Variants in DMXL2 observed in about 807,000 individuals in gnomAD.
DMXL2 encodes the protein dmX-like protein 2.
DMXL2 carries 103 observed loss-of-function variants against 331.1 expected under a neutral mutation model. The ratio of observed to expected loss-of-function variants is 0.31; its 90% CI spans 0.27 to 0.37. The LOEUF (loss-of-function observed/expected upper bound fraction) is 0.37. DMXL2 is among the 10% of genes least tolerant of loss of function. The pLI is 1.00. For synonymous variants in DMXL2, 1,281 were observed against 1,252.1 expected (o/e 1.02, Z -0.49); for missense variants, 3,171 against 3,642.9 (o/e 0.87, Z 3.33).
chr15:51,554,685 G>C (rs184753987), intron 6 of DMXL2, among the ~76,000 whole-genome samples: 120 of 152,304 alleles, frequency 7.9e-4, no homozygotes, highest in Middle Eastern at 3.4e-3. Context: ...AAATTAGATG[G>C]AGTGGAGTGT....
chr15:51,579,351 A>T (rs905353015), intron 1 of DMXL2, among the ~76,000 whole-genome samples: 6 of 152,284 alleles, frequency 3.9e-5, no homozygotes, highest in African/African-American at 1.4e-4. Flanking sequence ...AAAGAGTCTA[A>T]TGCATAAATA....
chr15:51,621,397 T>C (rs2054615508), intron 1 of DMXL2, among the ~76,000 whole-genome samples: 1 of 152,230 alleles, frequency 6.6e-6, no homozygotes, highest in African/African-American at 2.4e-5. Context: ...TCAAAGGGTT[T>C]TCCTTGTCTA....
At chr15:51,502,219 T>G (rs2043684382) in intron 17 of DMXL2, among the ~76,000 whole-genome samples, 2 of 132,826 alleles carry the variant, frequency 1.5e-5, no homozygotes, top group Non-Finnish European at 3.1e-5. Context: ...GGCGACAGAG[T>G]GAGACTCCGT....
At chr15:51,566,233 GTGTGTGTGT>G (rs1419708871) in intron 3 of DMXL2, among the ~76,000 whole-genome samples, 17 of 14,594 alleles carry the variant, frequency 1.2e-3, no homozygotes, top group South Asian at 7.0e-3. Flanking sequence ...TGTGTGTGGG[GTGTGTGTGT>G]GTGTGTGTGT....
At position 51,474,482 on chromosome 15, in the gene DMXL2, G is replaced by A. The variant is rs2041398915; in HGVS notation, c.7075C>T (p.His2359Tyr). The change falls in exon 28 of 44, where the codon CAT becomes TAT. Residue 2359 changes from histidine to tyrosine, a missense_variant. This residue lies in a region of DMXL2 where 766 missense variants were observed against 940.5 expected (regional missense o/e 0.81). Coordinates refer to ENST00000560891, the MANE Select transcript of DMXL2 (RefSeq NM_001378457.1). ...VVAVYLSLLI[H>Y]ALATNSSSEL... ...CTGGAGGAATTTGTGGCAAGAGCAT[G>A]TATCAATAAACTTAAGTAAACAGCA... 6.2e-7 allele frequency: 1 copy of A among 1,614,160 alleles called. No individual in the cohort carries two copies. Among genetic ancestry groups the A allele is most frequent in the Non-Finnish European group, 8.5e-7 (1 of 1,179,998 alleles).
intron 2 of DMXL2, among the ~76,000 whole-genome samples, chr15:51,570,003 G>A (rs954085780): frequency 6.6e-6 from 1 of 152,044 alleles, no homozygotes; most frequent in Non-Finnish European, 1.5e-5. Flanking sequence ...CCAAGCTAAA[G>A]AAGCATGTTC....
chr15:51,564,130 C>T lies in DMXL2; in HGVS notation c.495G>A (p.Gln165=), dbSNP rs2050131526. 1 of 1,593,408 alleles carries T rather than the reference C, an allele frequency of 6.3e-7. No individual in the cohort carries two copies. Among genetic ancestry groups the T allele is most frequent in the African/African-American group, 1.4e-5 (1 of 73,612 alleles). The part of the protein sequence containing the change: ...PVLNDWKCVW[Q]CKTSVSVHLM... ...CAATAGAAATAGACACTAACTTGCA[C>T]TGCCAGACACACTTCCAATCATTTA... The change falls in exon 5 of 44, where the codon CAG becomes CAA. Residue 165 remains glutamine (Q), a synonymous_variant. Transcript: ENST00000560891.
chr15:51,485,620 T>C (rs1225740424), intron 23 of DMXL2, among the ~76,000 whole-genome samples: 1 of 152,230 alleles, frequency 6.6e-6, no homozygotes, highest in Non-Finnish European at 1.5e-5. Context: ...CGTATTTAAC[T>C]ATTCTATTGA....
chr15:51,527,315 A>T (rs2047731125), intron 13 of DMXL2, among the ~76,000 whole-genome samples: 1 of 152,180 alleles, frequency 6.6e-6, no homozygotes, highest in South Asian at 2.1e-4. Context: ...AACATGAAGG[A>T]TAACTAAAAA....
intron 28 of DMXL2, among the ~76,000 whole-genome samples, chr15:51,473,457 CA>C (rs369137951): frequency 1.6e-4 from 24 of 152,206 alleles, no homozygotes; most frequent in African/African-American, 5.8e-4. Context: ...TATAACCAAG[CA>C]GCAAGAAAGA....
rs1179187516 is a variant in DMXL2, at chr15:51,578,332, C to T, written c.88-2151G>A. Reference sequence around the variant, plus strand: ...AGATAAATATTAGTACACTTTGTTTCTCTAAAGATGTGCCATCCCTAGCAA... The same window carrying T: ...AGATAAATATTAGTACACTTTGTTTTTCTAAAGATGTGCCATCCCTAGCAA... On this transcript the variant is annotated intron_variant, in intron 1 of 43. Transcript: ENST00000560891. Among the ~76,000 whole-genome samples, 3 of 152,160 alleles carry T rather than the reference C, an allele frequency of 2.0e-5. No homozygotes were observed. The South Asian group carries it at 6.2e-4, about 31-fold the overall frequency.
intron 37 of DMXL2, among the ~76,000 whole-genome samples, 167 bp from the exon 38 acceptor site, chr15:51,456,536 G>A (rs555739513): frequency 6.6e-6 from 1 of 152,270 alleles, no homozygotes; most frequent in African/African-American, 2.4e-5. Flanking sequence ...GTCTGAAGAG[G>A]GTGAGGAAGC....
chr15:51,600,539 C>T (rs1421771165), intron 1 of DMXL2, among the ~76,000 whole-genome samples: 1 of 152,174 alleles, frequency 6.6e-6, no homozygotes, highest in Admixed American at 6.5e-5. Context: ...CACCCCTCTT[C>T]CTGTTGACCT....
intron 5 of DMXL2, among the ~76,000 whole-genome samples, chr15:51,563,722 G>T (rs1460694264): frequency 1.3e-5 from 2 of 152,054 alleles, no homozygotes; most frequent in Non-Finnish European, 2.9e-5. Context: ...AATATAACAT[G>T]TTAAAAGCTG....
intron 7 of DMXL2, 70 bp downstream of exon 7, chr15:51,547,160 G>T: frequency 7.5e-7 from 1 of 1,337,812 alleles, no homozygotes; most frequent in Non-Finnish European, 1.0e-6. Context: ...TAAATAAAAG[G>T]ACTTTATTTT....
At chr15:51,508,214 A>ACAT (rs2046530420) in intron 15 of DMXL2, among the ~76,000 whole-genome samples, 1 of 152,170 alleles carries the variant, frequency 6.6e-6, no homozygotes, top group Admixed American at 6.5e-5. Context: ...AATTAGGAGA[A>ACAT]AGACCTAACA....
At chr15:51,468,863 C>A (rs1456274165) in intron 29 of DMXL2, among the ~76,000 whole-genome samples, 1 of 151,762 alleles carries the variant, frequency 6.6e-6, no homozygotes, top group Non-Finnish European at 1.5e-5. Flanking sequence ...TTCAGAGGAA[C>A]AAAATATGGT....
In DMXL2 at chr15:51,499,235, T is replaced by G; in HGVS notation, c.3989A>C (p.Asp1330Ala). Reference protein sequence around the residue: ...DVFCSPTVIQDGGLFEAAHVL... With the variant: ...DVFCSPTVIQAGGLFEAAHVL... ...ATGTGCAGCCTCAAATAAGCCACCA[T>G]CTTGAATTACAGTTGGTGAACAAAA... The change falls in exon 18 of 44, where the codon GAT becomes GCT. Residue 1330 changes from aspartate to alanine, a missense_variant. Physicochemically the swap from Asp to Ala is moderately radical, Grantham distance 126. Around this residue, in one of 7 missense-constraint regions of DMXL2, gnomAD observed 1,674 missense variants for 1,780.2 expected, o/e 0.94. Coordinates refer to ENST00000560891, the MANE Select transcript of DMXL2 (RefSeq NM_001378457.1). The G allele has an allele frequency of 6.2e-7, 1 of 1,613,974 alleles. No individual in the cohort carries two copies. The highest frequency in any genetic ancestry group is 8.5e-7 in the Non-Finnish European group (1 of 1,179,994).
intron 28 of DMXL2, among the ~76,000 whole-genome samples, chr15:51,474,084 C>T (rs1212344771): frequency 6.6e-6 from 1 of 150,694 alleles, no homozygotes; most frequent in African/African-American, 2.4e-5. Context: ...TCTGTATTTA[C>T]CTTTACCTTT....
Sources: gnomAD v4.1 joint callset for allele counts (sites outside exome capture counted in the v4.1 genomes callset) on GRCh38, gnomAD v4.1.1 for gene constraint, gnomAD v4.1.1 regional missense constraint, MANE v1.5 for transcripts, NCBI Gene and HGNC (gene_info 2026-07-23, HGNC 2026-07-21) for gene names.